The following CACHD1 variants were observed in gnomAD, a reference collection of about 807,000 sequenced individuals.
CACHD1 encodes the protein cache domain containing 1.
In CACHD1, 71 loss-of-function variants were observed where a neutral mutation model predicts 138.7. The ratio of observed to expected loss-of-function variants is 0.51; its 90% confidence interval spans 0.42 to 0.62. The LOEUF (loss-of-function observed/expected upper bound fraction) is 0.62, where lower values mean the gene tolerates loss of function less well. Among genes scored for constraint, CACHD1 ranks in the 20% least tolerant of loss-of-function variants. The probability of loss-of-function intolerance (pLI) is 0.00; values close to 1 mark genes in which losing one functional copy is unlikely to be tolerated. For synonymous variants in CACHD1, 578 were observed against 591.5 expected (o/e 0.98, Z 0.33); for missense variants, 1,389 against 1,625.3 (o/e 0.85, Z 2.50).
chr1:64,480,650 G>C (rs778679395), intron 1 of CACHD1, among the ~76,000 whole-genome samples: 1 of 151,756 alleles, frequency 6.6e-6, no homozygotes. Context: ...TTGCGAACCA[G>C]TACCATCCAA....
intron 3 of CACHD1, among the ~76,000 whole-genome samples, chr1:64,601,447 G>A (rs1647213462): frequency 6.6e-6 from 1 of 152,222 alleles, no homozygotes; most frequent in Non-Finnish European, 1.5e-5. Flanking sequence ...CAGCCACGTT[G>A]GTGAAGCAAC....
At chr1:64,482,267 G>A (rs1403295047) in intron 1 of CACHD1, among the ~76,000 whole-genome samples, 1 of 151,752 alleles carries the variant, frequency 6.6e-6, no homozygotes, top group East Asian at 1.9e-4. Flanking sequence ...TTCCCCACTT[G>A]GATTACTCCG....
At chr1:64,516,853 C>A (rs561869329) in intron 1 of CACHD1, among the ~76,000 whole-genome samples, 2 of 152,130 alleles carry the variant, frequency 1.3e-5, no homozygotes, top group Non-Finnish European at 2.9e-5. Context: ...TTAAACTGTT[C>A]CTCCTAGTAA....
At chr1:64,602,237 T>C (rs1287396671) in intron 3 of CACHD1, among the ~76,000 whole-genome samples, 1 of 152,218 alleles carries the variant, frequency 6.6e-6, no homozygotes, top group African/African-American at 2.4e-5. Flanking sequence ...TTTTTAATTT[T>C]TTTTATGGCT....
chr1:64,500,324 G>C (rs1309337762), intron 1 of CACHD1, among the ~76,000 whole-genome samples: 1 of 152,202 alleles, frequency 6.6e-6, no homozygotes, highest in Admixed American at 6.5e-5. Flanking sequence ...TCATTTGCCA[G>C]TAGTGTTTGG....
intron 16 of CACHD1, among the ~76,000 whole-genome samples, chr1:64,668,259 G>A (rs967036824): frequency 1.3e-5 from 2 of 150,984 alleles, no homozygotes; most frequent in Admixed American, 6.6e-5. Flanking sequence ...CCCGGGAGGC[G>A]AAGGTTGCAG....
chr1:64,673,318 T>C, intron 18 of CACHD1, 30 bp from the exon 19 acceptor site: 1 of 1,612,200 alleles, frequency 6.2e-7, no homozygotes, highest in Non-Finnish European at 8.5e-7. Context: ...CTACATGGCA[T>C]ATGTCTTCTG....
intron 2 of CACHD1, among the ~76,000 whole-genome samples, chr1:64,559,975 A>C (rs1228328272): frequency 6.6e-6 from 1 of 152,162 alleles, no homozygotes; most frequent in East Asian, 1.9e-4. Flanking sequence ...TAAGCTGTCA[A>C]ATTTGTTGGC....
At chr1:64,506,258 TC>T (rs1240245842) in intron 1 of CACHD1, 1 of 152,162 alleles carries the variant, frequency 6.6e-6, no homozygotes, top group Non-Finnish European at 1.5e-5. Context: ...TTTGCTGGGC[TC>T]CAGAAATAAA....
chr1:64,509,646 C>G (rs773985454), intron 1 of CACHD1, among the ~76,000 whole-genome samples: 10 of 152,044 alleles, frequency 6.6e-5, no homozygotes, highest in Non-Finnish European at 1.0e-4. Context: ...TGTTAAATCT[C>G]CAAGGATAGA....
At chr1:64,628,357 G>A (rs1307530707) in intron 4 of CACHD1, among the ~76,000 whole-genome samples, 1 of 152,142 alleles carries the variant, frequency 6.6e-6, no homozygotes, top group Non-Finnish European at 1.5e-5. Context: ...AATAGGGCTT[G>A]TTTTGTGCTC....
At chr1:64,662,458 G>A (rs898758746) in intron 13 of CACHD1, among the ~76,000 whole-genome samples, 1 of 152,174 alleles carries the variant, frequency 6.6e-6, no homozygotes, top group Non-Finnish European at 1.5e-5. Context: ...ATCCTCTCTG[G>A]AGAAGGATCC....
chr1:64,573,677 CTTT>C (rs1646944203), intron 2 of CACHD1, among the ~76,000 whole-genome samples: 1 of 152,184 alleles, frequency 6.6e-6, no homozygotes, highest in African/African-American at 2.4e-5. Context: ...ACATTAACAT[CTTT>C]AAGTCTCTTC....
In CACHD1 at chr1:64,658,861, C is replaced by T. The variant is rs760038878; in HGVS notation, c.1939C>T (p.Leu647=). 10 of 1,570,970 alleles carry T rather than the reference C, an allele frequency of 6.4e-6. No homozygotes were observed. In the South Asian group the frequency reaches 1.0e-4, roughly 16 times the overall value. Residue 647 remains leucine, a synonymous_variant, in exon 13 of 27, where the codon CTG becomes TTG. Coordinates refer to ENST00000651257, the MANE Select transcript of CACHD1 (RefSeq NM_020925.4). The part of the protein sequence containing the change: ...QPSACLHFKQ[L]ATLESPTIML... The stretch of plus-strand genomic sequence containing the variant: ...CAGTGCTTGCCTCCACTTCAAACAG[C>T]TGGCAACCCTAGGTAAAGCCCTTAC...
At chr1:64,600,294 A>G (rs1037360822) in intron 3 of CACHD1, among the ~76,000 whole-genome samples, 1 of 152,242 alleles carries the variant, frequency 6.6e-6, no homozygotes, top group African/African-American at 2.4e-5. Flanking sequence ...GAATCTGCAT[A>G]GCAGGATTGG....
chr1:64,610,811 G>C (rs1309598280), intron 4 of CACHD1, among the ~76,000 whole-genome samples: 1 of 152,186 alleles, frequency 6.6e-6, no homozygotes, highest in African/African-American at 2.4e-5. Flanking sequence ...GCCCCAGTGG[G>C]TACTCTGTGT....
At chr1:64,673,603 G>A in intron 19 of CACHD1, 139 bp downstream of exon 19, 2 of 752,378 alleles carry the variant, frequency 2.7e-6, no homozygotes, top group Non-Finnish European at 4.5e-6. Context: ...GGAGACAGGA[G>A]CTTAGTTCCA....
intron 1 of CACHD1, among the ~76,000 whole-genome samples, chr1:64,472,352 C>A (rs1232932998): frequency 6.6e-6 from 1 of 152,052 alleles, no homozygotes; most frequent in Non-Finnish European, 1.5e-5. Flanking sequence ...TTACAATTTT[C>A]TTGAGGAAAG....
intron 1 of CACHD1, among the ~76,000 whole-genome samples, chr1:64,546,814 T>C (rs956837629): frequency 1.3e-5 from 2 of 152,222 alleles, no homozygotes; most frequent in Non-Finnish European, 2.9e-5. Context: ...CTATTTCTTT[T>C]ATAATTTTAC....
Sources: gnomAD v4.1 joint callset for allele counts (sites outside exome capture counted in the v4.1 genomes callset) on GRCh38, gnomAD v4.1.1 for gene constraint, MANE v1.5 for transcripts, NCBI Gene and HGNC (gene_info 2026-07-23, HGNC 2026-07-21) for gene names.